Variants in CCM2 observed in about 807,000 individuals in gnomAD.
The protein encoded by CCM2 is CCM2 scaffold protein.
Under a neutral mutation model 44.9 loss-of-function variants are expected in CCM2, and 25 were observed. That is an observed-to-expected ratio of 0.56 (90% CI 0.41 to 0.78). CCM2 has a LOEUF of 0.78. Ranked by LOEUF, CCM2 falls within the 30% of genes least tolerant of loss-of-function variation. CCM2 has a pLI of 0.00. For missense variants in CCM2, 481 were observed against 580.6 expected (o/e 0.83, Z 1.76); for synonymous variants, 219 against 241.1 (o/e 0.91, Z 0.85).
chr7:45,073,870 A>T, intron 8 of CCM2: 1 of 543,800 alleles, frequency 1.8e-6, no homozygotes, highest in Non-Finnish European at 3.3e-6. Flanking sequence ...ACATGGCCAG[A>T]CATTTTTATC....
intron 6 of CCM2, 142 bp downstream of exon 6, chr7:45,070,103 T>C (rs1322734002): frequency 9.5e-7 from 1 of 1,051,190 alleles, no homozygotes; most frequent in African/African-American, 1.6e-5. Context: ...GACTTTGCTG[T>C]TCACATTAGC....
At position 45,075,849 on chromosome 7, in the gene CCM2, A is replaced by T; in HGVS notation, c.1127A>T (p.Asp376Val). ...ENFLETIGVK[D>V]GRGIITDSFG... ...TTCCTGGAGACCATTGGCGTGAAGGATGGCCGCGGCATCATCACTGACAGC... is the reference window on the plus strand; with the variant it reads ...TTCCTGGAGACCATTGGCGTGAAGGTTGGCCGCGGCATCATCACTGACAGC... The change falls in exon 10 of 10, where the codon GAT becomes GTT. Residue 376 changes from aspartate (D) to valine (V), a missense_variant. Transcript: ENST00000258781. The T allele has an allele frequency of 6.2e-7, 1 of 1,613,720 alleles. No homozygotes were observed. The highest frequency in any genetic ancestry group is 8.5e-7 in the Non-Finnish European group (1 of 1,180,024).
intron 5 of CCM2, 61 bp downstream of exon 5, chr7:45,068,640 G>A: frequency 2.5e-6 from 4 of 1,605,462 alleles, no homozygotes; most frequent in Non-Finnish European, 3.4e-6. Context: ...CTCATGGCCA[G>A]CCCCACCCTG....
At chr7:45,067,528 A>G (rs1798842291) in intron 4 of CCM2, 1 of 152,212 alleles carries the variant, frequency 6.6e-6, no homozygotes, top group Admixed American at 6.5e-5. Flanking sequence ...TCAGTATATA[A>G]TCAATATAAA....
intron 1 of CCM2, among the ~76,000 whole-genome samples, chr7:45,020,260 A>G (rs1324002578): frequency 2.0e-5 from 3 of 152,148 alleles, no homozygotes; most frequent in Admixed American, 6.6e-5. Context: ...GTGTCTTTAG[A>G]AGATTGTTTT....
intron 1 of CCM2, among the ~76,000 whole-genome samples, chr7:45,007,399 A>G (rs550541786): frequency 3.3e-5 from 5 of 152,176 alleles, no homozygotes; most frequent in Non-Finnish European, 5.9e-5. Context: ...TCTTTCAATC[A>G]AGAACAGCAA....
chr7:45,026,220 A>C (rs1796684578), intron 1 of CCM2, among the ~76,000 whole-genome samples: 1 of 152,172 alleles, frequency 6.6e-6, no homozygotes, highest in African/African-American at 2.4e-5. Context: ...AACTTTTAGG[A>C]AGGAGCAATC....
Position 45,038,474 on chromosome 7 carries a change from G to A in CCM2, c.204+48G>A, listed in dbSNP as rs770271552. 64 of 1,591,312 alleles carry A rather than the reference G, an allele frequency of 4.0e-5. 1 individual carries two copies. The highest frequency in any genetic ancestry group is 3.4e-4 in the South Asian group (31 of 90,482). ...ACGTGCCTGCCAAACGACAGTGACG[G>A]TCATGCTTGTATCCACCAGACACTC... On this transcript the variant is annotated intron_variant, in intron 2 of 9. Transcript: ENST00000258781.
At chr7:45,068,381 C>A in intron 4 of CCM2, 62 bp from the exon 5 acceptor site, 11 of 1,610,936 alleles carry the variant, frequency 6.8e-6, no homozygotes, top group Non-Finnish European at 8.5e-6. Context: ...TCAGCTGTTT[C>A]CTCAAGTGCC....
At chr7:45,043,138 A>G (rs1797592281) in intron 2 of CCM2, among the ~76,000 whole-genome samples, 3 of 151,826 alleles carry the variant, frequency 2.0e-5, no homozygotes, top group Admixed American at 2.0e-4. Flanking sequence ...ATGCCCAGCT[A>G]ATTTTTTATT....
intron 4 of CCM2, chr7:45,067,834 A>G (rs2128749540): frequency 6.4e-6 from 1 of 155,224 alleles, no homozygotes; most frequent in East Asian, 1.9e-4. Context: ...TGGCACTTCT[A>G]GGTTTTGTTT....
chr7:45,000,374 G>A lies in CCM2; in HGVS notation c.30+11G>A. 7.7e-7 allele frequency: 1 copy of A among 1,297,994 alleles called. No individual in the cohort carries two copies. The highest frequency in any genetic ancestry group is 9.8e-7 in the Non-Finnish European group (1 of 1,015,416). 80.4% of individuals were successfully genotyped at this position (1,297,994 alleles called of 1,614,324 possible). ...AAGAAGGGCAAGAAGGTGAGCGTGCGCGGGGGCGTCCTACTGCTGTGGTCG... is the reference window on the plus strand; with the variant it reads ...AAGAAGGGCAAGAAGGTGAGCGTGCACGGGGGCGTCCTACTGCTGTGGTCG... On this transcript the variant is annotated intron_variant, in intron 1 of 9. Transcript: ENST00000258781.
At chr7:45,066,384 C>T (rs902417990) in intron 4 of CCM2, among the ~76,000 whole-genome samples, 13 of 152,270 alleles carry the variant, frequency 8.5e-5, no homozygotes, top group South Asian at 8.3e-4. Context: ...TGGCCTCAAG[C>T]GATCCTCCTG....
At chr7:45,039,289 A>G (rs2128729803) in intron 2 of CCM2, among the ~76,000 whole-genome samples, 1 of 152,332 alleles carries the variant, frequency 6.6e-6, no homozygotes, top group African/African-American at 2.4e-5. Flanking sequence ...CTGTATGTGG[A>G]ATGGAGAGAA....
At chr7:45,060,012 AAAAT>A (rs1345389005) in intron 2 of CCM2, among the ~76,000 whole-genome samples, 4 of 152,228 alleles carry the variant, frequency 2.6e-5, no homozygotes, top group Non-Finnish European at 5.9e-5. Flanking sequence ...TAAAATAAGA[AAAAT>A]AAAAGATTAA....
chr7:45,042,051 G>A (rs1039171247), intron 2 of CCM2, among the ~76,000 whole-genome samples: 3 of 152,078 alleles, frequency 2.0e-5, no homozygotes, highest in African/African-American at 4.8e-5. Flanking sequence ...TGAGGCGGAC[G>A]GATCACGAGG....
At chr7:45,053,718 C>CAG (rs1285065176) in intron 2 of CCM2, among the ~76,000 whole-genome samples, 1 of 152,220 alleles carries the variant, frequency 6.6e-6, no homozygotes, top group Non-Finnish European at 1.5e-5. Flanking sequence ...GGAGGCTGGC[C>CAG]AGTACAGAGC....
intron 1 of CCM2, 25 bp downstream of exon 1, chr7:45,000,388 C>T (rs1795544765): frequency 8.2e-7 from 1 of 1,226,764 alleles, no homozygotes; most frequent in Non-Finnish European, 1.0e-6. Flanking sequence ...GGGCGTCCTA[C>T]TGCTGTGGTC....
rs1795972642 is a variant in CCM2 at position 45,009,308 on chromosome 7, A to AG, written c.30+8945_30+8946insG. ...AGAGGGAGCCTCTGTCTCAAAAAAA[A>AG]AAAAAAAAAAAAAATTTTTGAGTAC... On this transcript the variant is annotated intron_variant, in intron 1 of 9. Coordinates refer to ENST00000258781, the MANE Select transcript of CCM2 (RefSeq NM_031443.4). Among the ~76,000 whole-genome samples the AG allele has an allele frequency of 1.8e-5, 2 of 110,258 alleles. 1 individual carries two copies. Among genetic ancestry groups the AG allele is most frequent in the African/African-American group, 7.0e-5 (2 of 28,564 alleles). The allele number at this position is 110,258 out of a possible 152,430, so 72.3% of individuals were successfully genotyped here.
Sources: allele counts gnomAD v4.1 joint callset (sites outside exome capture counted in the v4.1 genomes callset), GRCh38; gene constraint gnomAD v4.1.1; transcripts MANE v1.5; gene names NCBI Gene and HGNC (gene_info 2026-07-23, HGNC 2026-07-21).